The following CHD6 variants were observed in gnomAD, a reference collection of about 807,000 sequenced individuals.
The protein encoded by CHD6 is ATP-dependent chromatin remodeler CHD6.
A neutral mutation model predicts 276.9 loss-of-function variants in CHD6; 50 were observed. The observed-to-expected ratio is 0.18, with a 90% CI of 0.14 to 0.23. The LOEUF (loss-of-function observed/expected upper bound fraction) is 0.23, where lower values mean the gene tolerates loss of function less well. Among genes scored for constraint, CHD6 ranks in the 10% least tolerant of loss-of-function variants. The probability of loss-of-function intolerance (pLI) is 1.00; values close to 1 mark genes in which losing one functional copy is unlikely to be tolerated. For synonymous variants in CHD6, 1,173 were observed against 1,229.3 expected, an observed-to-expected ratio of 0.95 and a Z score of 0.96; for missense variants, 2,564 against 3,365.8, an observed-to-expected ratio of 0.76 and a Z score of 5.89.
intron 25 of CHD6, among the ~76,000 whole-genome samples, chr20:41,444,397 G>C (rs1057167158): frequency 1.3e-5 from 2 of 152,180 alleles, no homozygotes; most frequent in Non-Finnish European, 2.9e-5. Context: ...AGGGCTAGTG[G>C]CTTCCACAGC....
chr20:41,579,768 G>A (rs765697484), intron 1 of CHD6, among the ~76,000 whole-genome samples: 1 of 152,106 alleles, frequency 6.6e-6, no homozygotes, highest in Non-Finnish European at 1.5e-5. Flanking sequence ...ATTATTCAAA[G>A]AAACTGACCA....
At chr20:41,445,924 G>A (rs1248620755) in intron 24 of CHD6, among the ~76,000 whole-genome samples, 156 bp from the exon 25 acceptor site, 1 of 152,238 alleles carries the variant, frequency 6.6e-6, no homozygotes, top group Non-Finnish European at 1.5e-5. Context: ...CCAGGGCTTT[G>A]CATGAGAATC....
intron 1 of CHD6, among the ~76,000 whole-genome samples, chr20:41,557,871 G>C (rs772579793): frequency 6.6e-6 from 1 of 152,154 alleles, no homozygotes; most frequent in Non-Finnish European, 1.5e-5. Context: ...CAGTGAACAT[G>C]TATTTTTATA....
At position 41,455,232 on chromosome 20, in the gene CHD6, T is replaced by C. The variant is rs140987303; in HGVS notation, c.3010-496A>G. Among the ~76,000 whole-genome samples the C allele has an allele frequency of 5.3e-4, 81 of 152,264 alleles. No individual in the cohort carries two copies. The East Asian group carries it at 0.013, about 24-fold the overall frequency. ...TTTCAGGTGTCACCAAACAGGAGATTTAATCAAACAGGTCACAAAGCTCAC... is the reference window on the plus strand; with the variant it reads ...TTTCAGGTGTCACCAAACAGGAGATCTAATCAAACAGGTCACAAAGCTCAC... On this transcript the variant is annotated intron_variant, in intron 19 of 36. Transcript: ENST00000373233.
chr20:41,423,202 T>A (rs1053233091), intron 30 of CHD6, among the ~76,000 whole-genome samples: 19 of 152,204 alleles, frequency 1.2e-4, no homozygotes, highest in Non-Finnish European at 2.5e-4. Context: ...ACCATGACTT[T>A]AAAAAAACCC....
intron 1 of CHD6, among the ~76,000 whole-genome samples, chr20:41,604,586 G>A (rs2045808237): frequency 6.6e-6 from 1 of 152,088 alleles, no homozygotes; most frequent in African/African-American, 2.4e-5. Context: ...GACTCAAATG[G>A]CCTTAATCCT....
In CHD6 at chr20:41,565,187, C is replaced by T. The variant is rs559324138; in HGVS notation, c.-23-13827G>A. Among the ~76,000 whole-genome samples the T allele has an allele frequency of 2.0e-5, 3 of 151,868 alleles. No individual in the cohort carries two copies. The South Asian group carries it at 6.3e-4, about 32-fold the overall frequency. On this transcript the variant is annotated intron_variant, in intron 1 of 36. Coordinates refer to ENST00000373233, the MANE Select transcript of CHD6 (RefSeq NM_032221.5). The stretch of plus-strand genomic sequence containing the variant: ...TCTCAGCTCACTGCAACCTCTGCCT[C>T]CTAGATTCAAGCAATTCTCTGCCTC...
intron 1 of CHD6, among the ~76,000 whole-genome samples, chr20:41,603,256 G>A (rs1429027037): frequency 6.6e-6 from 1 of 152,058 alleles, no homozygotes; most frequent in Non-Finnish European, 1.5e-5. Context: ...GGAGGCTGAG[G>A]CTTTGAACCT....
At position 41,415,602 on chromosome 20, in the gene CHD6, G is replaced by A; in HGVS notation, c.6523C>T (p.Gln2175Ter). ...FLAPVFTKDE[Q>*]KHRRPYEFEV... ...AACTCATAGGGACGCCTGTGCTTTT[G>A]TTCATCCTTTGTGAATACTGGAGCT... The change falls in exon 34 of 37, where the codon CAA (glutamine) becomes TAA (stop). Residue 2175 changes from glutamine (Q) to a stop codon, truncating the protein, a stop_gained. Transcript: ENST00000373233. LOFTEE classifies it high-confidence loss of function. 6.2e-7 allele frequency: 1 copy of A among 1,608,532 alleles called. No homozygotes were observed. The highest frequency in any genetic ancestry group is 8.5e-7 in the Non-Finnish European group (1 of 1,178,024).
intron 1 of CHD6, among the ~76,000 whole-genome samples, chr20:41,618,102 G>A (rs2146321654): frequency 6.7e-6 from 1 of 149,350 alleles, no homozygotes; most frequent in Admixed American, 6.6e-5. Context: ...GCCTGGCGTG[G>A]CAGAGGCCGC....
At chr20:41,582,006 T>C (rs2045545631) in intron 1 of CHD6, among the ~76,000 whole-genome samples, 1 of 152,186 alleles carries the variant, frequency 6.6e-6, no homozygotes, top group Admixed American at 6.5e-5. Flanking sequence ...CTTACTTGAG[T>C]GCATTTTTAA....
At chr20:41,447,771 G>C in intron 24 of CHD6, 111 bp downstream of exon 24, 1 of 661,012 alleles carries the variant, frequency 1.5e-6, no homozygotes, top group Non-Finnish European at 2.6e-6. Flanking sequence ...CCTGGGCAGG[G>C]GGTAGGAGGA....
chr20:41,563,302 C>T (rs1156875037), intron 1 of CHD6, among the ~76,000 whole-genome samples: 1 of 152,194 alleles, frequency 6.6e-6, no homozygotes, highest in African/African-American at 2.4e-5. Flanking sequence ...AAGGCTTTTA[C>T]TCACTGAATG....
At chr20:41,533,601 C>A in intron 2 of CHD6, 31 bp from the exon 3 acceptor site, 1 of 1,540,532 alleles carries the variant, frequency 6.5e-7, no homozygotes, top group South Asian at 1.2e-5. Flanking sequence ...AGCATATTAC[C>A]CTTCCAATTC....
chr20:41,432,612 T>G (rs1050596381), intron 27 of CHD6, among the ~76,000 whole-genome samples: 8 of 152,020 alleles, frequency 5.3e-5, no homozygotes, highest in Admixed American at 1.3e-4. Flanking sequence ...TCTGTTCCCC[T>G]GCCAAGAAAG....
intron 3 of CHD6, among the ~76,000 whole-genome samples, chr20:41,529,173 A>G (rs2044618262): frequency 1.3e-5 from 2 of 152,238 alleles, no homozygotes; most frequent in South Asian, 4.1e-4. Flanking sequence ...ATTCAATTAT[A>G]AAATGGATAT....
chr20:41,585,949 C>G (rs138264534), intron 1 of CHD6, among the ~76,000 whole-genome samples: 1 of 152,170 alleles, frequency 6.6e-6, no homozygotes, highest in Non-Finnish European at 1.5e-5. Flanking sequence ...CCTTTAAACA[C>G]GGGGCTTATA....
At chr20:41,601,757 AT>A (rs959250892) in intron 1 of CHD6, among the ~76,000 whole-genome samples, 13 of 152,310 alleles carry the variant, frequency 8.5e-5, no homozygotes, top group Middle Eastern at 6.8e-3. Context: ...AGAACCCAAA[AT>A]TTCATGTGGT....
intron 1 of CHD6, among the ~76,000 whole-genome samples, chr20:41,596,343 T>G (rs1488527341): frequency 6.6e-6 from 1 of 152,108 alleles, no homozygotes; most frequent in African/African-American, 2.4e-5. Flanking sequence ...AGAGGGAACT[T>G]AAACCACTAT....
Sources: allele counts gnomAD v4.1 joint callset (sites outside exome capture counted in the v4.1 genomes callset), GRCh38; gene constraint gnomAD v4.1.1; transcripts MANE v1.5; gene names NCBI Gene and HGNC (gene_info 2026-07-23, HGNC 2026-07-21).